XKRX: variants seen among roughly 807,000 people sequenced by gnomAD.
XKRX encodes the protein XK-related protein 2.
In XKRX, 11 loss-of-function variants were observed where a neutral mutation model predicts 22.4. The ratio of observed to expected loss-of-function variants is 0.49; its 90% CI spans 0.31 to 0.81. The LOEUF (loss-of-function observed/expected upper bound fraction) is 0.81. Among genes scored for constraint, XKRX ranks in the 40% least tolerant of loss-of-function variants. The probability of loss-of-function intolerance (pLI) is 0.05; values close to 1 mark genes in which losing one functional copy is unlikely to be tolerated. For missense variants in XKRX, 320 were observed against 336.5 expected, an observed-to-expected ratio of 0.95 and a Z score of 0.38; for synonymous variants, 114 against 132.2, an observed-to-expected ratio of 0.86 and a Z score of 0.94.
the XKRX span, among the ~76,000 whole-genome samples, chrX:100,900,533 G>A: frequency 3.6e-5 from 4 of 110,219 alleles, no homozygotes; most frequent in Non-Finnish European, 7.6e-5. Flanking sequence ...AGGGCATGGT[G>A]GCTCACACCT....
At chrX:100,941,632 G>A in the XKRX span, among the ~76,000 whole-genome samples, 1 of 112,225 alleles carries the variant, frequency 8.9e-6, no homozygotes, top group South Asian at 3.7e-4. Context: ...CACATGTATG[G>A]ATAGCGCAGA....
At chrX:100,939,017 T>C in the XKRX span, among the ~76,000 whole-genome samples, 1 of 112,039 alleles carries the variant, frequency 8.9e-6, no homozygotes, top group Admixed American at 9.5e-5. Flanking sequence ...AAAGAAGCTC[T>C]GTATGTGCTG....
rs1204691471 is a variant in XKRX, at chrX:100,928,646, AT to A, written c.-343del. The A allele has an allele frequency of 6.1e-6, 5 of 825,167 alleles. No homozygotes were observed. In the East Asian group the frequency reaches 4.6e-4, roughly 75 times the overall value. The allele number at this position is 825,167 out of a possible 1,213,427, so 68.0% of individuals were successfully genotyped here. On this transcript the variant is annotated 5_prime_UTR_variant, in exon 1 of 3. It removes an upstream start codon present in the reference 5' UTR. Transcript: ENST00000372956. ...TCCAACTCCAGGGACGTGAAGAGTC[AT>A]GAGAACAGCGGCTTCCGTGGCGGCT...
intron 1 of XKRX, among the ~76,000 whole-genome samples, chrX:100,926,420 A>G (rs369474409): frequency 8.9e-6 from 1 of 112,266 alleles, no homozygotes; most frequent in Non-Finnish European, 1.9e-5. Flanking sequence ...ATTGATAAAA[A>G]ATTTTTTTGG....
the XKRX span, among the ~76,000 whole-genome samples, chrX:100,890,810 A>G: frequency 9.0e-6 from 1 of 110,914 alleles, no homozygotes; most frequent in Non-Finnish European, 1.9e-5. Context: ...TTTATCTTTT[A>G]TTCATGCAAG....
the XKRX span, among the ~76,000 whole-genome samples, chrX:100,957,723 T>A: frequency 8.9e-6 from 1 of 112,684 alleles, no homozygotes; most frequent in Non-Finnish European, 1.9e-5. Context: ...AAGTCTCTGT[T>A]TTGTGAAAAT....
At chrX:100,901,580 T>C in the XKRX span, among the ~76,000 whole-genome samples, 1 of 111,854 alleles carries the variant, frequency 8.9e-6, no homozygotes, top group Admixed American at 9.5e-5. Flanking sequence ...GACAGAAAAT[T>C]AGTAAGATAC....
At chrX:100,957,488 G>C in the XKRX span, 1 of 1,190,609 alleles carries the variant, frequency 8.4e-7, no homozygotes, top group Non-Finnish European at 1.1e-6. Flanking sequence ...AGGAAATAGA[G>C]ACGCATCTTC....
At chrX:100,950,491 C>G in the XKRX span, among the ~76,000 whole-genome samples, 13 of 111,635 alleles carry the variant, frequency 1.2e-4, no homozygotes, top group African/African-American at 4.2e-4. Context: ...AGATCAAAAT[C>G]AAAAAGGATA....
chrX:100,948,109 T>C, the XKRX span, among the ~76,000 whole-genome samples: 1 of 108,921 alleles, frequency 9.2e-6, no homozygotes, highest in African/African-American at 3.4e-5. Flanking sequence ...TTTCACCATG[T>C]TGCCCAGGCT....
chrX:100,935,466 T>C, the XKRX span, among the ~76,000 whole-genome samples: 1 of 112,106 alleles, frequency 8.9e-6, no homozygotes, highest in East Asian at 2.8e-4. Flanking sequence ...CCTAGCTAGC[T>C]GCTAGGTTCT....
chrX:100,953,464 C>CAA, the XKRX span, among the ~76,000 whole-genome samples: 1 of 106,190 alleles, frequency 9.4e-6, no homozygotes, highest in East Asian at 2.9e-4. Flanking sequence ...AAGGCACAAG[C>CAA]AAAAAAAAAG....
rs1215283589 is a variant in XKRX at position 100,928,759 on chromosome X, T to C, written c.-455A>G. On this transcript the variant is annotated 5_prime_UTR_variant, in exon 1 of 3. Transcript: ENST00000372956. ...TCCTCACAAAGAGTCCTGACCAGTG[T>C]GTCCTCTCAAGTCAGCGGAGAGCTG... is the stretch of plus-strand genomic sequence containing the variant. The C allele has an allele frequency of 2.6e-6, 2 of 759,534 alleles. No individual in the cohort carries two copies. The highest frequency in any genetic ancestry group is 6.7e-5 in the South Asian group (1 of 14,899). 62.6% of individuals were successfully genotyped at this position (759,534 alleles called of 1,213,427 possible).
chrX:100,895,478 G>A, the XKRX span, among the ~76,000 whole-genome samples: 1 of 111,865 alleles, frequency 8.9e-6, no homozygotes, highest in Non-Finnish European at 1.9e-5. Flanking sequence ...GCATGGTAAG[G>A]AGTTTGGATT....
chrX:100,938,513 C>T, the XKRX span, among the ~76,000 whole-genome samples: 1 of 111,004 alleles, frequency 9.0e-6, no homozygotes, highest in Non-Finnish European at 1.9e-5. Context: ...CCTGTAATCC[C>T]AACTACTCGG....
downstream of XKRX, among the ~76,000 whole-genome samples, chrX:100,912,380 A>G (rs370831008): frequency 0.019 from 2 of 104 alleles, no homozygotes; most frequent in Non-Finnish European, 0.033. Context: ...CTCCCAAATT[A>G]AGTTATATAA....
chrX:100,888,476 A>T, the XKRX span: 1 of 950,936 alleles, frequency 1.1e-6, no homozygotes, highest in Admixed American at 2.3e-5. Context: ...GTCTGTGAGC[A>T]TTCCCCATCG....
chrX:100,891,100 C>A, the XKRX span, among the ~76,000 whole-genome samples: 1 of 111,398 alleles, frequency 9.0e-6, no homozygotes, highest in Admixed American at 9.6e-5. Context: ...CAACATATAT[C>A]AAAAATATTT....
At chrX:100,957,345 A>G in the XKRX span, 2 of 1,162,002 alleles carry the variant, frequency 1.7e-6, no homozygotes, top group African/African-American at 3.6e-5. Flanking sequence ...GACTCCGGTT[A>G]CTGGTCTTTT....
Sources: allele counts gnomAD v4.1 joint callset (sites outside exome capture counted in the v4.1 genomes callset), GRCh38; gene constraint gnomAD v4.1.1; transcripts MANE v1.5; gene names NCBI Gene and HGNC (gene_info 2026-07-23, HGNC 2026-07-21).